PSD3: variants seen among roughly 807,000 people sequenced by gnomAD.
PSD3 encodes pleckstrin and Sec7 domain containing 3.
A neutral mutation model predicts 105.5 loss-of-function variants in PSD3; 49 were observed. The observed-to-expected ratio is 0.46, with a 90% CI of 0.37 to 0.59. PSD3 has a LOEUF of 0.59. Among genes scored for constraint, PSD3 ranks in the 20% least tolerant of loss-of-function variants. PSD3 has a pLI of 0.00. For synonymous variants in PSD3, 557 were observed against 457.8 expected (o/e 1.22, Z -2.77); for missense variants, 1,561 against 1,263.8 (o/e 1.24, Z -3.57).
At chr8:18,602,232 GATCA>G (rs1283640812) in intron 11 of PSD3, among the ~76,000 whole-genome samples, 1 of 152,032 alleles carries the variant, frequency 6.6e-6, no homozygotes, top group Non-Finnish European at 1.5e-5. Context: ...TTTCGCAGTA[GATCA>G]ATTAATCCAA....
chr8:18,993,334 C>G (rs1015399227), intron 1 of PSD3, among the ~76,000 whole-genome samples: 1 of 152,186 alleles, frequency 6.6e-6, no homozygotes, highest in Non-Finnish European at 1.5e-5. Context: ...CACTCACATA[C>G]CTGTTCACTG....
intron 2 of PSD3, among the ~76,000 whole-genome samples, chr8:18,892,323 A>T (rs1046728296): frequency 6.6e-6 from 1 of 151,398 alleles, no homozygotes. Flanking sequence ...TCCTGGGTTC[A>T]TGCCATTCTC....
intron 9 of PSD3, among the ~76,000 whole-genome samples, chr8:18,657,452 G>A (rs914663712): frequency 1.3e-5 from 2 of 152,064 alleles, no homozygotes; most frequent in Non-Finnish European, 2.9e-5. Flanking sequence ...ATAAAAACCA[G>A]GTCACATTTT....
At chr8:18,677,880 G>C (rs1442368943) in intron 9 of PSD3, among the ~76,000 whole-genome samples, 2 of 151,864 alleles carry the variant, frequency 1.3e-5, no homozygotes. Flanking sequence ...CGTGGTGGCG[G>C]GTGCCTGTAG....
intron 9 of PSD3, among the ~76,000 whole-genome samples, chr8:18,685,321 C>T (rs1014237641): frequency 3.3e-5 from 5 of 152,158 alleles, no homozygotes; most frequent in Admixed American, 3.3e-4. Context: ...GTAACTGTTT[C>T]CCTCTACTGT....
intron 1 of PSD3, among the ~76,000 whole-genome samples, chr8:18,951,084 T>C (rs1252981968): frequency 6.6e-6 from 1 of 152,172 alleles, no homozygotes; most frequent in East Asian, 1.9e-4. Context: ...TCTGGAACTA[T>C]ATGAGTATAC....
chr8:18,637,289 G>A (rs1157536778), intron 10 of PSD3, among the ~76,000 whole-genome samples: 1 of 152,112 alleles, frequency 6.6e-6, no homozygotes, highest in Non-Finnish European at 1.5e-5. Context: ...GTTATAGTCT[G>A]AATTCTACTT....
In PSD3 at chr8:18,531,800, C is replaced by A. The variant is rs1799643716; in HGVS notation, c.*3943G>T. On this transcript the variant is annotated 3_prime_UTR_variant, in exon 16 of 16. Transcript: ENST00000327040. Reference sequence around the variant, plus strand: ...GATGCCACTTTGGTTCTTTGTTTTACAGTGCTAATTTTACAATTGGAAAAA... The same window carrying A: ...GATGCCACTTTGGTTCTTTGTTTTAAAGTGCTAATTTTACAATTGGAAAAA... 1 of 152,200 alleles carries A rather than the reference C, an allele frequency of 6.6e-6. No individual in the cohort carries two copies. The highest frequency in any genetic ancestry group is 1.5e-5 in the Non-Finnish European group (1 of 68,040). The allele number at this position is 152,200 out of a possible 1,614,324, so 9.4% of individuals were successfully genotyped here.
intron 11 of PSD3, among the ~76,000 whole-genome samples, chr8:18,612,106 T>A (rs1805310002): frequency 6.6e-6 from 1 of 152,176 alleles, no homozygotes; most frequent in South Asian, 2.1e-4. Flanking sequence ...ACTAAATTAT[T>A]ATAACCCACA....
chr8:18,750,814 T>C (rs1055818712), intron 9 of PSD3, among the ~76,000 whole-genome samples: 4 of 151,766 alleles, frequency 2.6e-5, no homozygotes, highest in African/African-American at 9.7e-5. Context: ...AGACACAGAG[T>C]GTCGATTGGT....
At chr8:18,596,269 G>C (rs1005549811) in intron 12 of PSD3, among the ~76,000 whole-genome samples, 2 of 151,938 alleles carry the variant, frequency 1.3e-5, no homozygotes, top group African/African-American at 4.8e-5. Flanking sequence ...CAATAGGCAA[G>C]TTTATGGTAA....
intron 15 of PSD3, among the ~76,000 whole-genome samples, chr8:18,554,549 G>A (rs560297430): frequency 1.3e-5 from 2 of 152,268 alleles, no homozygotes; most frequent in African/African-American, 4.8e-5. Flanking sequence ...TGGAACTGTA[G>A]TGGAAGTGTC....
At position 18,892,001 on chromosome 8, in the gene PSD3, C is replaced by T. The variant is rs1386370428; in HGVS notation, c.131-19268G>A. On this transcript the variant is annotated intron_variant, in intron 2 of 15. Coordinates refer to ENST00000327040, the MANE Select transcript of PSD3 (RefSeq NM_015310.4). ...AACACACAGTTAAAAGAATAAGAAGCAACCCTCAGACCAAAGTTTACAAAA... is the reference window on the plus strand; with the variant it reads ...AACACACAGTTAAAAGAATAAGAAGTAACCCTCAGACCAAAGTTTACAAAA... 2.6e-5 allele frequency among the ~76,000 whole-genome samples: 4 copies of T among 152,256 alleles called. No individual in the cohort carries two copies. In the East Asian group the frequency reaches 7.7e-4, roughly 29 times the overall value.
intron 9 of PSD3, among the ~76,000 whole-genome samples, chr8:18,662,335 T>C (rs1162467581): frequency 2.6e-5 from 4 of 152,204 alleles, no homozygotes; most frequent in African/African-American, 7.2e-5. Flanking sequence ...GCCTCTTATA[T>C]AAGGAATACA....
rs775375453 is a variant in PSD3, at chr8:18,799,299, C to T, written c.2078G>A (p.Gly693Asp). The change falls in exon 8 of 16, where the codon GGC becomes GAC. Residue 693 changes from glycine (G) to aspartate (D), a missense_variant. Transcript: ENST00000327040. The part of the protein sequence containing the change: ...AIMLLNTDLH[G>D]HNIGKKMTCQ... Reference sequence around the variant, plus strand: ...GTTTCACAAATCCACACTTACGTGGCCATGTAGATCGGTATTAAGAAGCAT... The same window carrying T: ...GTTTCACAAATCCACACTTACGTGGTCATGTAGATCGGTATTAAGAAGCAT... The T allele has an allele frequency of 3.1e-6, 5 of 1,602,380 alleles. No individual in the cohort carries two copies. The highest frequency in any genetic ancestry group is 2.2e-5 in the East Asian group (1 of 44,782).
intron 9 of PSD3, among the ~76,000 whole-genome samples, chr8:18,732,633 T>C (rs1336007773): frequency 1.3e-5 from 2 of 152,156 alleles, no homozygotes; most frequent in Admixed American, 6.5e-5. Flanking sequence ...CTTCCTTCCT[T>C]ACATGGTGGC....
chr8:18,667,524 A>G (rs117331394), intron 9 of PSD3, among the ~76,000 whole-genome samples: 2,960 of 152,302 alleles, frequency 0.019, 105 homozygotes, highest in East Asian at 0.13. Flanking sequence ...ACCCTGAGGT[A>G]GACACAGGGT....
intron 15 of PSD3, among the ~76,000 whole-genome samples, chr8:18,546,144 C>T (rs2012342): frequency 0.42 from 64,348 of 151,886 alleles, 15,615 homozygotes; most frequent in Admixed American, 0.58. Flanking sequence ...TACAGGTGCC[C>T]GCCACCATGC....
At chr8:18,835,170 T>C (rs954926948) in intron 4 of PSD3, among the ~76,000 whole-genome samples, 1 of 152,190 alleles carries the variant, frequency 6.6e-6, no homozygotes, top group Non-Finnish European at 1.5e-5. Context: ...AAAATATGCA[T>C]ATCCTAAGAA....
Sources: gnomAD v4.1 joint callset for allele counts (sites outside exome capture counted in the v4.1 genomes callset) on GRCh38, gnomAD v4.1.1 for gene constraint, MANE v1.5 for transcripts, NCBI Gene and HGNC (gene_info 2026-07-23, HGNC 2026-07-21) for gene names.